The following MOSMO variants were observed in gnomAD, a reference collection of about 807,000 sequenced individuals.
MOSMO encodes the protein modulator of smoothened, also known as modulator of smoothened protein.
A neutral mutation model predicts 18.4 loss-of-function variants in MOSMO; 5 were observed. That is an observed-to-expected ratio of 0.27 (90% CI 0.14 to 0.57). The LOEUF is 0.57. Among genes scored for constraint, MOSMO ranks in the 20% least tolerant of loss-of-function variants. The probability of loss-of-function intolerance (pLI) is 0.92; values close to 1 mark genes in which losing one functional copy is unlikely to be tolerated. For missense variants in MOSMO, 138 were observed against 211.8 expected (o/e 0.65, Z 2.16); for synonymous variants, 82 against 82.3 (o/e 1.00, Z 0.02).
chr16:22,026,470 C>T (rs540544425), intron 1 of MOSMO, among the ~76,000 whole-genome samples: 42 of 152,154 alleles, frequency 2.8e-4, no homozygotes, highest in Admixed American at 1.5e-3. Flanking sequence ...CCGCCCACCT[C>T]GGCCTCCCAA....
At chr16:22,064,668 T>G (rs1305272231) in intron 1 of MOSMO, among the ~76,000 whole-genome samples, 1 of 152,224 alleles carries the variant, frequency 6.6e-6, no homozygotes, top group Non-Finnish European at 1.5e-5. Flanking sequence ...TAAATGCAAT[T>G]AGCACACTTA....
chr16:22,075,151 G>A, intron 1 of MOSMO: 1 of 371,342 alleles, frequency 2.7e-6, no homozygotes, highest in South Asian at 2.1e-5. Flanking sequence ...CTCAGTGAGG[G>A]CAGGAACCTC....
At chr16:22,052,571 T>C (rs1243799260) in intron 1 of MOSMO, among the ~76,000 whole-genome samples, 1 of 152,182 alleles carries the variant, frequency 6.6e-6, no homozygotes, top group Non-Finnish European at 1.5e-5. Context: ...CATAGTGCCA[T>C]TTATAAGAAA....
At chr16:22,024,110 A>G (rs1766511794) in intron 1 of MOSMO, among the ~76,000 whole-genome samples, 1 of 151,238 alleles carries the variant, frequency 6.6e-6, no homozygotes, top group African/African-American at 2.4e-5. Context: ...ATTAGTTGCC[A>G]ACCTTTGTTT....
At chr16:22,049,267 C>T (rs1598012782) in intron 1 of MOSMO, among the ~76,000 whole-genome samples, 1 of 152,130 alleles carries the variant, frequency 6.6e-6, no homozygotes. Context: ...GTGGCATGAT[C>T]ATGGCTCACT....
chr16:22,053,211 C>T (rs1390406843), intron 1 of MOSMO, among the ~76,000 whole-genome samples: 1 of 151,732 alleles, frequency 6.6e-6, no homozygotes, highest in East Asian at 1.9e-4. Context: ...GATCCACCCA[C>T]CTCCACCTCC....
intron 1 of MOSMO, among the ~76,000 whole-genome samples, chr16:22,010,751 T>C (rs1899507917): frequency 6.6e-6 from 1 of 151,684 alleles, no homozygotes; most frequent in Non-Finnish European, 1.5e-5. Context: ...AAACCCTGTC[T>C]CTACTAAAAA....
chr16:22,072,878 T>A (rs1055133264), intron 1 of MOSMO, among the ~76,000 whole-genome samples: 2 of 152,164 alleles, frequency 1.3e-5, no homozygotes, highest in African/African-American at 4.8e-5. Flanking sequence ...TAGCATTAGC[T>A]TTTTTTCTTC....
At chr16:22,008,941 G>A (rs1899456000) in intron 1 of MOSMO, among the ~76,000 whole-genome samples, 1 of 151,780 alleles carries the variant, frequency 6.6e-6, no homozygotes, top group African/African-American at 2.4e-5. Context: ...ACCACCAGAG[G>A]AAGCTGCGGC....
intron 1 of MOSMO, among the ~76,000 whole-genome samples, chr16:22,044,097 G>T (rs1432840486): frequency 6.6e-6 from 1 of 151,862 alleles, no homozygotes; most frequent in Admixed American, 6.6e-5. Flanking sequence ...GGAACCCCCC[G>T]CCCCCATGAT....
Position 22,045,253 on chromosome 16 carries a change from A to G in MOSMO, c.107-30234A>G, listed in dbSNP as rs566199366. On this transcript the variant is annotated intron_variant, in intron 1 of 2. Coordinates refer to ENST00000542527, the MANE Select transcript of MOSMO (RefSeq NM_001164579.2). ...ATTCAGTTCTTCTCTGTGGTTTCTT[A>G]TACACAATCAAGATTCTAATATGTT... is the stretch of plus-strand genomic sequence containing the variant. Among the ~76,000 whole-genome samples, 8 of 151,968 alleles carry G rather than the reference A, an allele frequency of 5.3e-5. 1 individual carries two copies. The East Asian group carries it at 1.5e-3, about 29-fold the overall frequency.
chr16:22,055,265 GAGTCAACACACTCCTTCTGTGTGTGTT>G (rs1900509847), intron 1 of MOSMO, among the ~76,000 whole-genome samples: 4 of 152,040 alleles, frequency 2.6e-5, no homozygotes, highest in Admixed American at 2.0e-4. Context: ...GTGTGTGAAG[GAGTCAACACACTCCTTCTGTGTGTGTT>G]AGTCAACACA....
intron 1 of MOSMO, among the ~76,000 whole-genome samples, chr16:22,067,196 TAATG>T (rs1900763070): frequency 6.6e-6 from 1 of 151,504 alleles, no homozygotes; most frequent in Non-Finnish European, 1.5e-5. Flanking sequence ...AAAGAAGAAA[TAATG>T]AAAAGTGAAG....
At chr16:22,032,873 G>A (rs1179028167) in intron 1 of MOSMO, among the ~76,000 whole-genome samples, 2 of 152,154 alleles carry the variant, frequency 1.3e-5, no homozygotes, top group African/African-American at 4.8e-5. Flanking sequence ...TATGGTGTGG[G>A]TAGGGGTCCA....
chr16:22,011,932 T>TA (rs535652740), intron 1 of MOSMO, among the ~76,000 whole-genome samples: 22,727 of 120,482 alleles, frequency 0.19, 3,446 homozygotes, highest in African/African-American at 0.41. Context: ...AGTCCTGAGT[T>TA]AAAAAAAAAA....
chr16:22,027,515 C>T (rs1001730843), intron 1 of MOSMO, among the ~76,000 whole-genome samples: 1 of 152,166 alleles, frequency 6.6e-6, no homozygotes, highest in African/African-American at 2.4e-5. Context: ...CTTGAGCACA[C>T]ATAAAGCACT....
Position 22,082,844 on chromosome 16 carries a change from T to G in MOSMO, c.*1964T>G, listed in dbSNP as rs1159427019. On this transcript the variant is annotated 3_prime_UTR_variant, in exon 3 of 3. Transcript: ENST00000542527. Reference sequence around the variant, plus strand: ...GCATTTCTTAAGTGTTCTGGGAGAATGTCATACTTTTCCTTCCCAGAGTAA... The same window carrying G: ...GCATTTCTTAAGTGTTCTGGGAGAAGGTCATACTTTTCCTTCCCAGAGTAA... 1.3e-5 allele frequency: 2 copies of G among 152,210 alleles called. No homozygotes were observed. Among genetic ancestry groups the G allele is most frequent in the African/African-American group, 4.8e-5 (2 of 41,450 alleles). 9.4% of individuals were successfully genotyped at this position (152,210 alleles called of 1,614,324 possible). A position where few individuals can be genotyped will look rare whatever the true frequency, so the allele number is the denominator to read the frequency against.
At chr16:22,065,385 G>A (rs1325725049) in intron 1 of MOSMO, among the ~76,000 whole-genome samples, 4 of 152,148 alleles carry the variant, frequency 2.6e-5, no homozygotes, top group East Asian at 1.9e-4. Context: ...CCAGGCTTCC[G>A]GCATTGGTAT....
intron 1 of MOSMO, among the ~76,000 whole-genome samples, chr16:22,014,987 A>G (rs1375501586): frequency 3.3e-5 from 5 of 152,178 alleles, no homozygotes; most frequent in Non-Finnish European, 5.9e-5. Flanking sequence ...AAGTATACAA[A>G]TAAAGTATTT....
Sources: allele counts gnomAD v4.1 joint callset (sites outside exome capture counted in the v4.1 genomes callset), GRCh38; gene constraint gnomAD v4.1.1; transcripts MANE v1.5; gene names NCBI Gene and HGNC (gene_info 2026-07-23, HGNC 2026-07-21).